CEBPG: variants seen among roughly 807,000 people sequenced by gnomAD.
CEBPG encodes the protein CCAAT enhancer binding protein gamma.
A neutral mutation model predicts 11.1 loss-of-function variants in CEBPG; 6 were observed. That is an observed-to-expected ratio of 0.54 (90% CI 0.30 to 1.07). The LOEUF (loss-of-function observed/expected upper bound fraction) is 1.07, where lower values mean the gene tolerates loss of function less well. CEBPG is among the 50% of genes least tolerant of loss of function. CEBPG has a pLI of 0.07. For synonymous variants in CEBPG, 66 were observed against 71.0 expected (o/e 0.93, Z 0.36); for missense variants, 161 against 187.4 (o/e 0.86, Z 0.82).
At chr19:33,377,898 G>T (rs1453788082) in intron 1 of CEBPG, among the ~76,000 whole-genome samples, 1 of 152,234 alleles carries the variant, frequency 6.6e-6, no homozygotes, top group Non-Finnish European at 1.5e-5. Context: ...CTGAAGGTTT[G>T]GGTGTAGCTA....
chr19:33,374,340 C>T (rs1030839985), intron 1 of CEBPG: 3 of 152,294 alleles, frequency 2.0e-5, no homozygotes, highest in South Asian at 2.1e-4. Flanking sequence ...GCTTTAGAAT[C>T]CTGATCTTCT....
At chr19:33,379,041 C>T (rs1255923420) in intron 1 of CEBPG, 103 bp from the exon 2 acceptor site, 3 of 488,546 alleles carry the variant, frequency 6.1e-6, no homozygotes, top group Non-Finnish European at 1.1e-5. Flanking sequence ...AGACTTTTCT[C>T]AGCAGAATCA....
At chr19:33,375,441 G>T (rs1169411898) in intron 1 of CEBPG, among the ~76,000 whole-genome samples, 1 of 152,088 alleles carries the variant, frequency 6.6e-6, no homozygotes, top group Admixed American at 6.6e-5. Flanking sequence ...TGGTTCCATG[G>T]GTTGTTATAT....
Position 33,379,149 on chromosome 19 carries a change from T to C in CEBPG, c.-91T>C. On this transcript the variant is annotated 5_prime_UTR_variant, in exon 2 of 2. An upstream start codon of the reference 5' UTR is lost. Coordinates refer to ENST00000284000, the MANE Select transcript of CEBPG (RefSeq NM_001806.4). ...GCAATTTATTTTTTAACTAGGTACATGTGAAGATTTTTTGGCAGCTTAGCG... is the reference window on the plus strand; with the variant it reads ...GCAATTTATTTTTTAACTAGGTACACGTGAAGATTTTTTGGCAGCTTAGCG... 1 of 1,124,518 alleles carries C rather than the reference T, an allele frequency of 8.9e-7. No individual in the cohort carries two copies. Among genetic ancestry groups the C allele is most frequent in the East Asian group, 2.6e-5 (1 of 39,106 alleles). 69.7% of individuals were successfully genotyped at this position (1,124,518 alleles called of 1,614,324 possible). A position where few individuals can be genotyped will look rare whatever the true frequency, so the allele number is the denominator to read the frequency against.
At chr19:33,375,784 A>G (rs1967904777) in intron 1 of CEBPG, among the ~76,000 whole-genome samples, 1 of 152,204 alleles carries the variant, frequency 6.6e-6, no homozygotes, top group Non-Finnish European at 1.5e-5. Flanking sequence ...GAAAAGAGAA[A>G]GCACAGACCA....
chr19:33,381,196 A>G lies in CEBPG; in HGVS notation c.*1504A>G, dbSNP rs1967983683. ...GATTTAAAAGTTTGTGTTATCAGGT[A>G]TCTTATTTGAACATGGTCATTTTTG... On this transcript the variant is annotated 3_prime_UTR_variant, in exon 2 of 2. Coordinates refer to ENST00000284000, the MANE Select transcript of CEBPG (RefSeq NM_001806.4). 1 of 167,058 alleles carries G rather than the reference A, an allele frequency of 6.0e-6. No individual in the cohort carries two copies. The highest frequency in any genetic ancestry group is 1.5e-5 in the Non-Finnish European group (1 of 68,120). The allele number at this position is 167,058 out of a possible 1,614,324, so 10.3% of individuals were successfully genotyped here. A position where few individuals can be genotyped will look rare whatever the true frequency, so the allele number is the denominator to read the frequency against.
At chr19:33,378,528 C>G (rs767493916) in intron 1 of CEBPG, among the ~76,000 whole-genome samples, 3 of 152,078 alleles carry the variant, frequency 2.0e-5, no homozygotes, top group Non-Finnish European at 4.4e-5. Flanking sequence ...GAAACTGACT[C>G]AGTAAATTTG....
At chr19:33,375,556 CTATT>C (rs1300359392) in intron 1 of CEBPG, among the ~76,000 whole-genome samples, 1 of 152,098 alleles carries the variant, frequency 6.6e-6, no homozygotes, top group Non-Finnish European at 1.5e-5. Context: ...TACAAATAGT[CTATT>C]TGTTTTGTGT....
chr19:33,379,274 G>A lies in CEBPG; in HGVS notation c.35G>A (p.Gly12Glu). The A allele has an allele frequency of 6.3e-7, 1 of 1,582,308 alleles. No homozygotes were observed. Among genetic ancestry groups the A allele is most frequent in the Non-Finnish European group, 8.6e-7 (1 of 1,163,512 alleles). ...ATATCGCAGCAAAACAGCACTCCAG[G>A]GGTGAACGGAATTAGTGTTATCCAT... ...SKISQQNSTP[G>E]VNGISVIHTQ... The change falls in exon 2 of 2, where the codon GGG (glycine) becomes GAG (glutamate). Residue 12 changes from glycine (G) to glutamate (E), a missense_variant. Physicochemically the swap from Gly to Glu is moderately conservative, Grantham distance 98 (BLOSUM62 -2). Transcript: ENST00000284000.
Position 33,379,127 on chromosome 19 carries a change from A to T in CEBPG, c.-96-17A>T. ...CTGTCATTTCAAATATTTTAATGCA[A>T]TTTATTTTTTAACTAGGTACATGTG... On this transcript the variant is annotated splice_polypyrimidine_tract_variant and intron_variant, in intron 1 of 1. Coordinates refer to ENST00000284000, the MANE Select transcript of CEBPG (RefSeq NM_001806.4). 1 of 890,198 alleles carries T rather than the reference A, an allele frequency of 1.1e-6. No homozygotes were observed. The highest frequency in any genetic ancestry group is 1.7e-6 in the Non-Finnish European group (1 of 602,238). The allele number at this position is 890,198 out of a possible 1,614,324, so 55.1% of individuals were successfully genotyped here. A position where few individuals can be genotyped will look rare whatever the true frequency, so the allele number is the denominator to read the frequency against.
At position 33,381,074 on chromosome 19, in the gene CEBPG, CTTTCTTTTCTTTCTCTTTT is replaced by C. The variant is rs986201562; in HGVS notation, c.*1389_*1407del. ...TCAACGTTTTTTCTTCTCTCTTTTGCTTTCTTTTCTTTCTCTTTTTTTCTTAGCACAGTTCTAGCTCAAA... is the reference window on the plus strand; with the variant it reads ...TCAACGTTTTTTCTTCTCTCTTTTGCTTTCTTAGCACAGTTCTAGCTCAAA... On this transcript the variant is annotated 3_prime_UTR_variant, in exon 2 of 2. Coordinates refer to ENST00000284000, the MANE Select transcript of CEBPG (RefSeq NM_001806.4). 2 of 166,868 alleles carry C rather than the reference CTTTCTTTTCTTTCTCTTTT, an allele frequency of 1.2e-5. No individual in the cohort carries two copies. Among genetic ancestry groups the C allele is most frequent in the African/African-American group, 4.8e-5 (2 of 41,388 alleles). 10.3% of individuals were successfully genotyped at this position (166,868 alleles called of 1,614,324 possible). A position where few individuals can be genotyped will look rare whatever the true frequency, so the allele number is the denominator to read the frequency against.
intron 1 of CEBPG, among the ~76,000 whole-genome samples, chr19:33,377,646 T>C (rs531926836): frequency 6.6e-6 from 1 of 152,282 alleles, no homozygotes; most frequent in South Asian, 2.1e-4. Context: ...TGAGGCAACC[T>C]AATGATGACC....
Position 33,379,216 on chromosome 19 carries a change from G to C in CEBPG, c.-24G>C, listed in dbSNP as rs1967951384. 6.6e-7 allele frequency: 1 copy of C among 1,514,856 alleles called. No individual in the cohort carries two copies. The highest frequency in any genetic ancestry group is 1.4e-5 in the African/African-American group (1 of 71,854). The allele number at this position is 1,514,856 out of a possible 1,614,324, so 93.8% of individuals were successfully genotyped here. ...CCCTGCTCTCATTTCTACCTGTTCT[G>C]TGTTGGCAAGGGAGAGTGCCCAAAT... On this transcript the variant is annotated 5_prime_UTR_variant, in exon 2 of 2. Coordinates refer to ENST00000284000, the MANE Select transcript of CEBPG (RefSeq NM_001806.4).
Position 33,379,728 on chromosome 19 carries a change from G to A in CEBPG, c.*36G>A, listed in dbSNP as rs201544179. On this transcript the variant is annotated 3_prime_UTR_variant, in exon 2 of 2. Transcript: ENST00000284000. ...TTCCAGACTTTAGAGCTTGTGGCTTGAATGTTAAAGGTGTGACCACCGACA... is the reference window on the plus strand; with the variant it reads ...TTCCAGACTTTAGAGCTTGTGGCTTAAATGTTAAAGGTGTGACCACCGACA... 13 of 1,549,796 alleles carry A rather than the reference G, an allele frequency of 8.4e-6. No individual in the cohort carries two copies. The highest frequency in any genetic ancestry group is 1.0e-5 in the Non-Finnish European group (12 of 1,144,292).
At position 33,381,877 on chromosome 19, in the gene CEBPG, A is replaced by G. The variant is rs1967993564; in HGVS notation, c.*2185A>G. ...GGAAATGCAAAGTTTAGCAGAAGCA[A>G]GCAATTAGGCAGAGAACAAAAATGT... is the stretch of plus-strand genomic sequence containing the variant. On this transcript the variant is annotated 3_prime_UTR_variant, in exon 2 of 2. Coordinates refer to ENST00000284000, the MANE Select transcript of CEBPG (RefSeq NM_001806.4). The G allele has an allele frequency of 6.0e-6, 1 of 167,136 alleles. No homozygotes were observed. Among genetic ancestry groups the G allele is most frequent in the Non-Finnish European group, 1.5e-5 (1 of 68,136 alleles). The allele number at this position is 167,136 out of a possible 1,614,324, so 10.4% of individuals were successfully genotyped here. A position where few individuals can be genotyped will look rare whatever the true frequency, so the allele number is the denominator to read the frequency against.
chr19:33,379,222 G>T lies in CEBPG; in HGVS notation c.-18G>T. On this transcript the variant is annotated 5_prime_UTR_variant, in exon 2 of 2. Coordinates refer to ENST00000284000, the MANE Select transcript of CEBPG (RefSeq NM_001806.4). ...TCTCATTTCTACCTGTTCTGTGTTG[G>T]CAAGGGAGAGTGCCCAAATGAGCAA... 1 of 1,520,078 alleles carries T rather than the reference G, an allele frequency of 6.6e-7. No homozygotes were observed. The highest frequency in any genetic ancestry group is 2.3e-5 in the East Asian group (1 of 43,942). The allele number at this position is 1,520,078 out of a possible 1,614,324, so 94.2% of individuals were successfully genotyped here.
intron 1 of CEBPG, among the ~76,000 whole-genome samples, chr19:33,376,644 C>T (rs773922070): frequency 8.5e-5 from 13 of 152,218 alleles, no homozygotes; most frequent in Non-Finnish European, 1.6e-4. Context: ...CCTGCTGTTT[C>T]CTCCTTGAGT....
intron 1 of CEBPG, among the ~76,000 whole-genome samples, chr19:33,377,054 T>C (rs1967919891): frequency 6.6e-6 from 1 of 152,234 alleles, no homozygotes; most frequent in African/African-American, 2.4e-5. Flanking sequence ...AAACCTCACC[T>C]ACCACACACG....
Position 33,379,683 on chromosome 19 carries a change from A to G in CEBPG, c.444A>G (p.Ala148=), listed in dbSNP as rs1269561411. The G allele has an allele frequency of 6.2e-7, 1 of 1,609,378 alleles. No individual in the cohort carries two copies. The highest frequency in any genetic ancestry group is 8.5e-7 in the Non-Finnish European group (1 of 1,176,584). Residue 148 remains alanine (A), a synonymous_variant, in exon 2 of 2, where the codon GCA becomes GCG. Transcript: ENST00000284000. Reference sequence around the variant, plus strand: ...ATACGACAGCAGATGGCGACAATGCAGGACAGTAGACCTCACCCTTTCCAG... The same window carrying G: ...ATACGACAGCAGATGGCGACAATGCGGGACAGTAGACCTCACCCTTTCCAG... The part of the protein sequence containing the change: ...TENTTADGDN[A]GQ
Sources: allele counts gnomAD v4.1 joint callset (sites outside exome capture counted in the v4.1 genomes callset), GRCh38; gene constraint gnomAD v4.1.1; transcripts MANE v1.5; gene names NCBI Gene and HGNC (gene_info 2026-07-23, HGNC 2026-07-21).